SAMD3: variants seen among roughly 807,000 people sequenced by gnomAD.
SAMD3 encodes sterile alpha motif domain containing 3, also known as sterile alpha motif domain-containing protein 3.
In SAMD3, 63 loss-of-function variants were observed where a neutral mutation model predicts 58.5. The observed-to-expected ratio is 1.08, with a 90% CI of 0.88 to 1.33. The LOEUF (loss-of-function observed/expected upper bound fraction) is 1.33. SAMD3 is among the 40% of genes most tolerant of loss of function. The pLI, the probability that SAMD3 is intolerant of heterozygous loss-of-function variation, is 0.00. For missense variants in SAMD3, 604 were observed against 608.4 expected (o/e 0.99, Z 0.08); for synonymous variants, 220 against 210.3 (o/e 1.05, Z -0.40).
At chr6:130,222,584 T>C (rs1302660803) in intron 1 of SAMD3, 110 bp downstream of exon 1, 1 of 152,248 alleles carries the variant, frequency 6.6e-6, no homozygotes, top group East Asian at 1.9e-4. Flanking sequence ...GAGGAATTAA[T>C]GTTTTTTGTT....
chr6:130,227,510 A>G (rs984736945), upstream of SAMD3, among the ~76,000 whole-genome samples: 1 of 152,162 alleles, frequency 6.6e-6, no homozygotes, highest in Non-Finnish European at 1.5e-5. Flanking sequence ...GAATCTTGCC[A>G]GGCACGGTGG....
intron 5 of SAMD3, among the ~76,000 whole-genome samples, chr6:130,192,905 C>T (rs1441365674): frequency 6.6e-6 from 1 of 152,166 alleles, no homozygotes; most frequent in Non-Finnish European, 1.5e-5. Context: ...CTCACTATCC[C>T]TCAACCTCTT....
chr6:130,361,801 G>A (rs1411517248), intron 1 of SAMD3, among the ~76,000 whole-genome samples: 4 of 152,186 alleles, frequency 2.6e-5, no homozygotes, highest in African/African-American at 9.7e-5. Context: ...TATGCTGAGA[G>A]GCACCCCTTC....
intron 2 of SAMD3, among the ~76,000 whole-genome samples, chr6:130,245,591 C>T (rs942361542): frequency 3.3e-5 from 5 of 152,214 alleles, no homozygotes; most frequent in Non-Finnish European, 5.9e-5. Flanking sequence ...AAGGAAAACT[C>T]TCTGAGTGCA....
At chr6:130,347,853 A>G (rs1465279742) in intron 1 of SAMD3, among the ~76,000 whole-genome samples, 1 of 152,232 alleles carries the variant, frequency 6.6e-6, no homozygotes, top group African/African-American at 2.4e-5. Context: ...CACAAAGGGA[A>G]GCCCATCAGA....
chr6:130,144,618 T>C lies in SAMD3; in HGVS notation c.1465A>G (p.Asn489Asp). The C allele has an allele frequency of 6.2e-7, 1 of 1,614,146 alleles. No individual in the cohort carries two copies. The highest frequency in any genetic ancestry group is 8.5e-7 in the Non-Finnish European group (1 of 1,180,008). ...ECPRRLSQTF[N>D]FLETLIFDMH... ...TCGAAAATCAGCGTTTCTAGGAAGT[T>C]GAAAGTTTGGGACAGTCTTCTTGGA... The change falls in exon 12 of 12, where the codon AAC becomes GAC. Residue 489 changes from asparagine to aspartate, a missense_variant. Physicochemically the swap from Asn to Asp is conservative, Grantham distance 23 (BLOSUM62 1). Transcript: ENST00000439090.
chr6:130,252,201 A>C (rs1773761386), intron 2 of SAMD3, among the ~76,000 whole-genome samples: 1 of 152,156 alleles, frequency 6.6e-6, no homozygotes, highest in South Asian at 2.1e-4. Context: ...TTCTGATATT[A>C]ACATAGCCAC....
chr6:130,157,072 AAAATAAATAAATAAAT>A (rs140922244), intron 8 of SAMD3, among the ~76,000 whole-genome samples: 4,288 of 143,452 alleles, frequency 0.03, 190 homozygotes, highest in African/African-American at 0.099. Context: ...TCCGTCTCAA[AAAATAAATAAATAAAT>A]AAATAAATAA....
intron 5 of SAMD3, among the ~76,000 whole-genome samples, chr6:130,199,871 A>G (rs1254197778): frequency 6.6e-6 from 1 of 152,186 alleles, no homozygotes; most frequent in East Asian, 1.9e-4. Flanking sequence ...TTTATAGCCC[A>G]GGGCTCTCAC....
At chr6:130,353,673 A>G (rs141128998) in intron 1 of SAMD3, among the ~76,000 whole-genome samples, 4 of 152,292 alleles carry the variant, frequency 2.6e-5, no homozygotes, top group African/African-American at 7.2e-5. Flanking sequence ...AGCCATCTCA[A>G]ATACACTATT....
chr6:130,195,523 G>A (rs542009683), intron 5 of SAMD3, among the ~76,000 whole-genome samples: 41 of 152,114 alleles, frequency 2.7e-4, no homozygotes, highest in East Asian at 5.8e-4. Flanking sequence ...CCATGGTGCC[G>A]AACCCATATA....
At chr6:130,261,891 T>G (rs1023241343) in intron 2 of SAMD3, among the ~76,000 whole-genome samples, 72 of 151,958 alleles carry the variant, frequency 4.7e-4, no homozygotes, top group African/African-American at 1.7e-3. Flanking sequence ...CAGCTGGTTT[T>G]AGATCTCTCC....
chr6:130,162,380 CTTTT>C (rs1228065260), intron 8 of SAMD3: 4 of 645,372 alleles, frequency 6.2e-6, no homozygotes, highest in Non-Finnish European at 8.3e-6. Context: ...GTAGTTATAG[CTTTT>C]TTATCTCCCA....
intron 2 of SAMD3, among the ~76,000 whole-genome samples, chr6:130,232,973 G>A (rs558325451): frequency 6.6e-6 from 1 of 152,258 alleles, no homozygotes; most frequent in East Asian, 1.9e-4. Flanking sequence ...TGCGTGACAC[G>A]AGCTGAGATT....
chr6:130,304,965 C>T (rs1415869302), intron 2 of SAMD3, among the ~76,000 whole-genome samples: 2 of 117,822 alleles, frequency 1.7e-5, no homozygotes, highest in African/African-American at 3.3e-5. Flanking sequence ...GACAGAGTCT[C>T]ACTCTGCTGC....
intron 1 of SAMD3, among the ~76,000 whole-genome samples, chr6:130,325,519 C>CCT (rs1776728401): frequency 6.6e-6 from 1 of 152,150 alleles, no homozygotes; most frequent in South Asian, 2.1e-4. Context: ...ACTCAGTCTA[C>CCT]TAATTCAAAT....
chr6:130,289,559 G>T (rs1017805542), intron 2 of SAMD3, among the ~76,000 whole-genome samples: 1 of 152,136 alleles, frequency 6.6e-6, no homozygotes, highest in African/African-American at 2.4e-5. Context: ...GAGTGCAGTG[G>T]CACGATCTCG....
intron 1 of SAMD3, among the ~76,000 whole-genome samples, chr6:130,362,854 C>T (rs1209926546): frequency 6.6e-6 from 1 of 152,138 alleles, no homozygotes; most frequent in East Asian, 1.9e-4. Flanking sequence ...ATCCACTGAA[C>T]TATTAGTCAA....
rs559699153 is a variant in SAMD3, at chr6:130,336,693, T to C, written c.-303-23600A>G. Among the ~76,000 whole-genome samples, 10 of 152,322 alleles carry C rather than the reference T, an allele frequency of 6.6e-5. No individual in the cohort carries two copies. The South Asian group carries it at 1.9e-3, about 28-fold the overall frequency. On this transcript the variant is annotated intron_variant, in intron 1 of 13. Coordinates refer to the SAMD3 transcript ENST00000368134. ...GCTGGTTGGTGATTCTTTTGGTCCC[T>C]ATGCTAGGAGGGAAAGGTAATTGCT...
Sources: gnomAD v4.1 joint callset for allele counts (sites outside exome capture counted in the v4.1 genomes callset) on GRCh38, gnomAD v4.1.1 for gene constraint, MANE v1.5 for transcripts, NCBI Gene and HGNC (gene_info 2026-07-23, HGNC 2026-07-21) for gene names.